JADE3: variants seen among roughly 807,000 people sequenced by gnomAD.
The protein encoded by JADE3 is jade family PHD finger 3.
In JADE3, 2 loss-of-function variants were observed where a neutral mutation model predicts 50.1. The ratio of observed to expected loss-of-function variants is 0.04; its 90% CI spans 0.02 to 0.13. The LOEUF is 0.13. Among genes scored for constraint, JADE3 ranks in the 10% least tolerant of loss-of-function variants. JADE3 has a pLI of 1.00. For synonymous variants in JADE3, 218 were observed against 232.9 expected (o/e 0.94, Z 0.58); for missense variants, 475 against 634.4 (o/e 0.75, Z 2.70).
At chrX:46,998,555 T>A (rs1316367569) in intron 4 of JADE3, among the ~76,000 whole-genome samples, 2 of 111,010 alleles carry the variant, frequency 1.8e-5, no homozygotes, top group Non-Finnish European at 3.8e-5. Context: ...GACAAGAATT[T>A]CCAAGTCTTG....
At chrX:46,990,555 C>G (rs1556355658) in intron 3 of JADE3, among the ~76,000 whole-genome samples, 1 of 111,395 alleles carries the variant, frequency 9.0e-6, no homozygotes, top group African/African-American at 3.3e-5. Context: ...AGGCTCCCTA[C>G]CCAGTCTGCC....
intron 1 of JADE3, among the ~76,000 whole-genome samples, chrX:46,915,469 A>C (rs1556336096): frequency 8.9e-6 from 1 of 112,197 alleles, no homozygotes; most frequent in East Asian, 2.8e-4. Context: ...TTAATGGCTC[A>C]CAAGTTTCTG....
chrX:46,979,698 A>T (rs1407699026), intron 1 of JADE3, among the ~76,000 whole-genome samples: 1 of 110,643 alleles, frequency 9.0e-6, no homozygotes, highest in Non-Finnish European at 1.9e-5. Context: ...TAGTTTCTCT[A>T]CACTTTCTCC....
intron 4 of JADE3, among the ~76,000 whole-genome samples, chrX:47,021,729 G>A (rs987226216): frequency 8.9e-6 from 1 of 112,296 alleles, no homozygotes; most frequent in African/African-American, 3.2e-5. Context: ...TTTGCCATCT[G>A]GATAGCCTTA....
intron 1 of JADE3, among the ~76,000 whole-genome samples, chrX:46,938,999 G>A (rs1926694060): frequency 8.9e-6 from 1 of 111,933 alleles, no homozygotes; most frequent in African/African-American, 3.2e-5. Context: ...CTAATTTTTT[G>A]TATCTTTAGT....
chrX:46,995,910 T>C (rs1437272476), intron 3 of JADE3, among the ~76,000 whole-genome samples: 2 of 112,604 alleles, frequency 1.8e-5, no homozygotes, highest in African/African-American at 6.5e-5. Context: ...GCTTATCATA[T>C]GCCTGTTTTT....
chrX:47,020,020 A>G (rs782373671), intron 4 of JADE3, among the ~76,000 whole-genome samples: 9 of 112,295 alleles, frequency 8.0e-5, no homozygotes, highest in South Asian at 3.7e-4. Flanking sequence ...GATTTGGTCA[A>G]TGGTCTAGTG....
intron 4 of JADE3, among the ~76,000 whole-genome samples, chrX:47,012,435 G>A (rs1379249473): frequency 9.0e-6 from 1 of 110,536 alleles, no homozygotes; most frequent in Non-Finnish European, 1.9e-5. Flanking sequence ...TAAAAAATTA[G>A]CTAGCCATGG....
Position 47,054,544 on chromosome X carries a change from A to G in JADE3, c.1359A>G (p.Glu453=), listed in dbSNP as rs782435680. 1.7e-6 allele frequency: 2 copies of G among 1,211,067 alleles called. No homozygotes were observed. The highest frequency in any genetic ancestry group is 3.0e-5 in the East Asian group (1 of 33,874). Residue 453 remains glutamate (E), a synonymous_variant, in exon 9 of 11, where the codon GAA becomes GAG. Coordinates refer to ENST00000614628, the MANE Select transcript of JADE3 (RefSeq NM_014735.5). ...NKPLFPPKED[E]ENGLVQPKEE... ...CATTATTTCCTCCAAAGGAGGATGA[A>G]GAAAATGGGCTGGTGCAGCCAAAAG...
At chrX:47,003,807 A>G (rs1556359713) in intron 4 of JADE3, among the ~76,000 whole-genome samples, 2 of 100,254 alleles carry the variant, frequency 2.0e-5, no homozygotes, top group East Asian at 3.0e-4. Context: ...AATTTTGGTG[A>G]CATACACCAA....
At chrX:47,054,059 T>G in intron 8 of JADE3, 99 bp from the exon 9 acceptor site, 1 of 544,126 alleles carries the variant, frequency 1.8e-6, no homozygotes, top group Non-Finnish European at 2.9e-6. Context: ...CTCCCGGTCT[T>G]TCTTTTGCTT....
intron 1 of JADE3, among the ~76,000 whole-genome samples, chrX:46,974,126 G>A (rs187743734): frequency 9.1e-5 from 10 of 109,749 alleles, no homozygotes; most frequent in South Asian, 7.8e-4. Context: ...AGTTTGGGCC[G>A]GGTGCAGTAG....
At chrX:46,943,394 G>GT (rs1327204380) in intron 1 of JADE3, among the ~76,000 whole-genome samples, 1 of 111,659 alleles carries the variant, frequency 9.0e-6, no homozygotes, top group African/African-American at 3.3e-5. Flanking sequence ...TTTATTGAAG[G>GT]TTTTTATCAT....
chrX:46,966,158 G>C (rs1556348988), intron 1 of JADE3, among the ~76,000 whole-genome samples: 2 of 112,002 alleles, frequency 1.8e-5, no homozygotes, highest in African/African-American at 6.5e-5. Context: ...AAAGAGTTCA[G>C]AGATTTTTCT....
chrX:47,010,748 A>G (rs1196315992), intron 4 of JADE3, among the ~76,000 whole-genome samples: 1 of 111,011 alleles, frequency 9.0e-6, no homozygotes, highest in Admixed American at 9.6e-5. Flanking sequence ...TGCCATAACA[A>G]AATACCACAG....
intron 4 of JADE3, among the ~76,000 whole-genome samples, chrX:47,013,502 G>T (rs5952984): frequency 8.9e-6 from 1 of 111,875 alleles, no homozygotes; most frequent in East Asian, 2.8e-4. Context: ...ATTTCTCAAC[G>T]TAAGCTCCAT....
chrX:46,947,534 CTG>C (rs1483760752), intron 1 of JADE3, among the ~76,000 whole-genome samples: 1 of 111,464 alleles, frequency 9.0e-6, no homozygotes, highest in Non-Finnish European at 1.9e-5. Context: ...TTTTACTAAA[CTG>C]TAGTCATATT....
chrX:46,918,530 G>A lies in JADE3; in HGVS notation c.-12+5811G>A, dbSNP rs781971892. 5.3e-5 allele frequency among the ~76,000 whole-genome samples: 6 copies of A among 112,163 alleles called. No individual in the cohort carries two copies. In the East Asian group the frequency reaches 1.4e-3, roughly 26 times the overall value. On this transcript the variant is annotated intron_variant, in intron 1 of 10. Coordinates refer to ENST00000614628, the MANE Select transcript of JADE3 (RefSeq NM_014735.5). ...TCTTATCTACAGAGTAAACTTCACA[G>A]GAGGAAAACCAGTGTTCTGTTCCCC...
At chrX:46,972,695 G>A (rs370339768) in intron 1 of JADE3, among the ~76,000 whole-genome samples, 18 of 111,489 alleles carry the variant, frequency 1.6e-4, no homozygotes, top group African/African-American at 4.9e-4. Context: ...CGCCTCCCAG[G>A]TTAAAGCATT....
Sources: allele counts gnomAD v4.1 joint callset (sites outside exome capture counted in the v4.1 genomes callset), GRCh38; gene constraint gnomAD v4.1.1; transcripts MANE v1.5; gene names NCBI Gene and HGNC (gene_info 2026-07-23, HGNC 2026-07-21).